The following DAB1 variants were observed in gnomAD, a reference collection of about 807,000 sequenced individuals.
The protein encoded by DAB1 is DAB adaptor protein 1, also known as disabled homolog 1.
DAB1 carries 15 observed loss-of-function variants against 64.6 expected under a neutral mutation model. The observed-to-expected ratio is 0.23, with a 90% confidence interval of 0.16 to 0.36. The LOEUF is 0.36. Among genes scored for constraint, DAB1 ranks in the 10% least tolerant of loss-of-function variants. The pLI is 1.00. For missense variants in DAB1, 596 were observed against 706.7 expected, an observed-to-expected ratio of 0.84 and a Z score of 1.78; for synonymous variants, 235 against 251.9, an observed-to-expected ratio of 0.93 and a Z score of 0.64.
rs12568862 is a variant in DAB1, at chr1:57,292,928, T to A, written c.-136-1762A>T. Among the ~76,000 whole-genome samples the A allele has an allele frequency of 8.1e-3, 1,235 of 152,180 alleles. 30 individuals are homozygous for A. The highest frequency in any genetic ancestry group is 0.079 in the East Asian group (410 of 5,162). The stretch of plus-strand genomic sequence containing the variant: ...TTTGCTTGGAAGGGTTAATAAAGCT[T>A]CAAAGAGGATAAGCCCTACTCTGTG... On this transcript the variant is annotated intron_variant, in intron 1 of 14. Coordinates refer to ENST00000371236, the MANE Select transcript of DAB1 (RefSeq NM_001365792.1).
intron 6 of DAB1, among the ~76,000 whole-genome samples, chr1:57,664,107 G>C (rs1646418946): frequency 6.6e-6 from 1 of 152,078 alleles, no homozygotes; most frequent in Non-Finnish European, 1.5e-5. Context: ...AAATGAGGCT[G>C]TTCTTGAATT....
At chr1:57,294,170 T>C (rs1673005961) in intron 1 of DAB1, among the ~76,000 whole-genome samples, 1 of 152,202 alleles carries the variant, frequency 6.6e-6, no homozygotes, top group Non-Finnish European at 1.5e-5. Context: ...ATGTGACAAC[T>C]CAAATCATTT....
In DAB1 at chr1:57,493,424, T is replaced by C. The variant is rs1644189705; in HGVS notation, n.625+156168A>G. ...TAAGTCTGGTTTACTTCATTTATCATAATGCCTTCAAAGTTCATCCATGCT... is the reference window on the plus strand; with the variant it reads ...TAAGTCTGGTTTACTTCATTTATCACAATGCCTTCAAAGTTCATCCATGCT... On this transcript the variant is annotated intron_variant and non_coding_transcript_variant, in intron 7 of 20. Coordinates refer to the DAB1 transcript ENST00000485760. Among the ~76,000 whole-genome samples the C allele has an allele frequency of 2.0e-5, 3 of 152,238 alleles. No individual in the cohort carries two copies. The South Asian group carries it at 6.2e-4, about 32-fold the overall frequency.
At chr1:58,338,287 C>T (rs1021538622) in intron 4 of DAB1, among the ~76,000 whole-genome samples, 1 of 152,142 alleles carries the variant, frequency 6.6e-6, no homozygotes, top group Non-Finnish European at 1.5e-5. Context: ...CCCCTCCCTC[C>T]TCCTGCTCTC....
chr1:57,928,256 C>T (rs1041452727), intron 5 of DAB1, among the ~76,000 whole-genome samples: 4 of 152,062 alleles, frequency 2.6e-5, no homozygotes, highest in Non-Finnish European at 4.4e-5. Context: ...CCCTATCCCC[C>T]GAGAGGCAAC....
chr1:57,956,515 T>A (rs766179104), intron 5 of DAB1, among the ~76,000 whole-genome samples: 59 of 152,216 alleles, frequency 3.9e-4, no homozygotes, highest in Non-Finnish European at 6.5e-4. Flanking sequence ...AGGCCACTTA[T>A]GTATTTCATA....
chr1:57,794,766 C>T (rs1418931057), intron 6 of DAB1, among the ~76,000 whole-genome samples: 1 of 152,152 alleles, frequency 6.6e-6, no homozygotes, highest in Non-Finnish European at 1.5e-5. Flanking sequence ...ATGTCTGGCT[C>T]CTTGCAGGTG....
At chr1:57,931,264 T>G (rs1644948888) in intron 5 of DAB1, among the ~76,000 whole-genome samples, 2 of 152,208 alleles carry the variant, frequency 1.3e-5, no homozygotes, top group Admixed American at 1.3e-4. Context: ...AATATTTTGT[T>G]GAGGATTTTT....
chr1:57,607,844 G>A (rs1358643938), intron 7 of DAB1, among the ~76,000 whole-genome samples: 1 of 152,208 alleles, frequency 6.6e-6, no homozygotes, highest in Non-Finnish European at 1.5e-5. Context: ...GCAGATGGGT[G>A]ATAGGTCCTG....
chr1:57,015,393 C>A lies in DAB1; in HGVS notation c.934G>T (p.Gly312Cys). Reference sequence around the variant, plus strand: ...TGCTGTTGGACGAGGGGCTGCTGACCCCAGAAGGACGGGAGGACAGCGCCC... The same window carrying A: ...TGCTGTTGGACGAGGGGCTGCTGACACCAGAAGGACGGGAGGACAGCGCCC... ...AMGAVLPSFWGQQPLVQQQMV... is the reference protein window; with the variant it reads ...AMGAVLPSFWCQQPLVQQQMV... The change falls in exon 12 of 15, where the codon GGT (glycine) becomes TGT (cysteine). Residue 312 changes from glycine to cysteine, a missense_variant. Gly to Cys is a radical substitution (Grantham distance 159, BLOSUM62 -3). This residue lies in a region of DAB1 where 377 missense variants were observed against 400.4 expected (regional missense o/e 0.94). Transcript: ENST00000371236. 1 of 1,613,650 alleles carries A rather than the reference C, an allele frequency of 6.2e-7. No individual in the cohort carries two copies. Among genetic ancestry groups the A allele is most frequent in the South Asian group, 1.1e-5 (1 of 91,002 alleles).
At chr1:57,881,179 ATTAG>A (rs1176281251) in intron 1 of DAB1, among the ~76,000 whole-genome samples, 1 of 152,208 alleles carries the variant, frequency 6.6e-6, no homozygotes, top group Non-Finnish European at 1.5e-5. Flanking sequence ...CAGTGTTTGT[ATTAG>A]TTAGAGTAAT....
At chr1:57,554,768 T>C (rs369553754) in intron 7 of DAB1, among the ~76,000 whole-genome samples, 34 of 152,302 alleles carry the variant, frequency 2.2e-4, no homozygotes, top group African/African-American at 7.7e-4. Flanking sequence ...AATGAAACAC[T>C]AGCCTACAAA....
intron 6 of DAB1, among the ~76,000 whole-genome samples, chr1:57,780,761 C>CTT (rs1006564530): frequency 4.9e-4 from 66 of 135,074 alleles, no homozygotes; most frequent in African/African-American, 1.6e-3. Context: ...TTTCTTTTTT[C>CTT]TTTTTTTTTT....
rs1192415681 is a variant in DAB1 at position 58,377,826 on chromosome 1, G to A, written n.258-34423C>T. 2.9e-5 allele frequency among the ~76,000 whole-genome samples: 4 copies of A among 139,996 alleles called. 1 individual carries two copies. The highest frequency in any genetic ancestry group is 2.3e-4 in the South Asian group (1 of 4,370). The allele number at this position is 139,996 out of a possible 152,430, so 91.8% of individuals were successfully genotyped here. On this transcript the variant is annotated intron_variant and non_coding_transcript_variant, in intron 3 of 20. Transcript: ENST00000485760. ...TCACTTTCAGGTACACCAATCAGAC[G>A]TAGATTTGGTCTTTTCACATAGTCC...
At chr1:57,206,674 A>G (rs1194300922) in intron 2 of DAB1, among the ~76,000 whole-genome samples, 1 of 152,152 alleles carries the variant, frequency 6.6e-6, no homozygotes, top group African/African-American at 2.4e-5. Context: ...TCTGGATATT[A>G]AAATCCAGAT....
At chr1:58,186,473 TAATAAACTCTA>T (rs1657082495) in intron 4 of DAB1, among the ~76,000 whole-genome samples, 1 of 152,222 alleles carries the variant, frequency 6.6e-6, no homozygotes, top group African/African-American at 2.4e-5. Context: ...TGAAAGTAAC[TAATAAACTCTA>T]AATGTTAGAC....
chr1:58,052,859 C>T (rs780097167), intron 5 of DAB1, among the ~76,000 whole-genome samples: 5 of 152,032 alleles, frequency 3.3e-5, no homozygotes, highest in East Asian at 1.9e-4. Context: ...TGAATAGAAG[C>T]GATTTACTAG....
intron 5 of DAB1, among the ~76,000 whole-genome samples, chr1:58,000,661 C>T (rs563360558): frequency 6.8e-6 from 1 of 147,184 alleles, no homozygotes; most frequent in Admixed American, 6.9e-5. Context: ...ATCTCCACCT[C>T]ATGGGTTCAA....
intron 7 of DAB1, among the ~76,000 whole-genome samples, chr1:57,585,387 T>G (rs1294307195): frequency 2.0e-5 from 3 of 152,224 alleles, no homozygotes; most frequent in Non-Finnish European, 4.4e-5. Flanking sequence ...ATTTTTAATT[T>G]GTTGCCAATA....
Sources: allele counts gnomAD v4.1 joint callset (sites outside exome capture counted in the v4.1 genomes callset), GRCh38; gene constraint gnomAD v4.1.1; regional missense constraint gnomAD v4.1.1; transcripts MANE v1.5; gene names NCBI Gene and HGNC (gene_info 2026-07-23, HGNC 2026-07-21).